SCLT1: variants seen among roughly 807,000 people sequenced by gnomAD.
SCLT1 encodes sodium channel and clathrin linker 1, also known as sodium channel-associated protein 1.
Under a neutral mutation model 112.8 loss-of-function variants are expected in SCLT1, and 78 were observed. That is an observed-to-expected ratio of 0.69 (90% CI 0.58 to 0.83). The LOEUF (loss-of-function observed/expected upper bound fraction) is 0.83, where lower values mean the gene tolerates loss of function less well. Among genes scored for constraint, SCLT1 ranks in the 40% least tolerant of loss-of-function variants. SCLT1 has a pLI of 0.00. For missense variants in SCLT1, 747 were observed against 770.4 expected (o/e 0.97, Z 0.36); for synonymous variants, 257 against 254.7 (o/e 1.01, Z -0.09).
intron 2 of SCLT1, among the ~76,000 whole-genome samples, chr4:129,075,094 A>G (rs1404806327): frequency 6.6e-6 from 1 of 152,144 alleles, no homozygotes; most frequent in Non-Finnish European, 1.5e-5. Context: ...GTGGTTATGT[A>G]AGCAAATTCT....
chr4:128,896,598 A>G (rs1331497552), intron 18 of SCLT1, among the ~76,000 whole-genome samples: 1 of 152,168 alleles, frequency 6.6e-6, no homozygotes, highest in African/African-American at 2.4e-5. Context: ...AAAACTGGAA[A>G]CTCTAAAAAT....
intron 18 of SCLT1, among the ~76,000 whole-genome samples, chr4:128,918,166 A>G (rs1319875278): frequency 6.6e-6 from 1 of 152,172 alleles, no homozygotes; most frequent in East Asian, 1.9e-4. Flanking sequence ...AAAAATTTTC[A>G]ATGGCAATTA....
chr4:128,874,231 A>T (rs571280064), intron 5 of SCLT1: 1 of 152,646 alleles, frequency 6.6e-6, no homozygotes, highest in Non-Finnish European at 1.5e-5. Context: ...CTTTATCTAC[A>T]GTTATCTTTT....
intron 5 of SCLT1, among the ~76,000 whole-genome samples, chr4:129,029,592 G>A (rs1326013249): frequency 3.3e-5 from 5 of 151,700 alleles, no homozygotes; most frequent in African/African-American, 1.2e-4. Context: ...ACGAGTTAAT[G>A]GGTGCAGCAC....
At chr4:129,034,431 A>T (rs1297056244) in intron 5 of SCLT1, among the ~76,000 whole-genome samples, 1 of 151,746 alleles carries the variant, frequency 6.6e-6, no homozygotes, top group African/African-American at 2.4e-5. Flanking sequence ...ATCTAAAAAA[A>T]TAAATATCAG....
chr4:128,880,949 A>T (rs1732627724), downstream of SCLT1, among the ~76,000 whole-genome samples: 1 of 152,158 alleles, frequency 6.6e-6, no homozygotes, highest in Non-Finnish European at 1.5e-5. Context: ...GGGGGCACCT[A>T]TGAGAACGTG....
intron 13 of SCLT1, among the ~76,000 whole-genome samples, chr4:128,955,300 T>A (rs1346686366): frequency 2.0e-5 from 3 of 152,218 alleles, no homozygotes; most frequent in African/African-American, 7.2e-5. Flanking sequence ...TTTTCCTCTA[T>A]AATTTTATGA....
rs141632246 is a variant in SCLT1, at chr4:129,056,940, C to T, written c.103-12889G>A. Reference sequence around the variant, plus strand: ...AGGAAGAAAAAACTTTCAACTTTTACGCTGTCAGAATAATGCTGGCTGTGG... The same window carrying T: ...AGGAAGAAAAAACTTTCAACTTTTATGCTGTCAGAATAATGCTGGCTGTGG... On this transcript the variant is annotated intron_variant, in intron 2 of 20. Coordinates refer to ENST00000281142, the MANE Select transcript of SCLT1 (RefSeq NM_144643.4). 3.4e-3 allele frequency among the ~76,000 whole-genome samples: 517 copies of T among 152,322 alleles called. 1 individual carries two copies. Among genetic ancestry groups the T allele is most frequent in the Middle Eastern group, 6.8e-3 (2 of 294 alleles).
intron 20 of SCLT1, among the ~76,000 whole-genome samples, chr4:128,887,625 T>C (rs1732984265): frequency 6.6e-6 from 1 of 152,212 alleles, no homozygotes; most frequent in African/African-American, 2.4e-5. Context: ...TAGTCTATAA[T>C]CACTGAACTG....
intron 2 of SCLT1, among the ~76,000 whole-genome samples, chr4:129,053,554 CTGATTTTTTTTT>C: frequency 1.4e-5 from 1 of 69,858 alleles, no homozygotes; most frequent in Non-Finnish European, 2.8e-5. Flanking sequence ...ATTGCAATCC[CTGATTTTTTTTT>C]TTTTTTTTTT....
chr4:128,985,428 C>A (rs1355160858), intron 9 of SCLT1, among the ~76,000 whole-genome samples: 2 of 152,082 alleles, frequency 1.3e-5, no homozygotes, highest in African/African-American at 4.8e-5. Context: ...ACATTGATTG[C>A]TGAGTGTGAA....
At chr4:128,966,023 G>A (rs1380563864) in intron 10 of SCLT1, among the ~76,000 whole-genome samples, 1 of 151,236 alleles carries the variant, frequency 6.6e-6, no homozygotes, top group African/African-American at 2.4e-5. Context: ...GTAGAGACAG[G>A]GTTTCACCAC....
rs562491097 is a variant in SCLT1 at position 128,937,205 on chromosome 4, G to A, written c.1633-354C>T. On this transcript the variant is annotated intron_variant, in intron 17 of 20. Transcript: ENST00000281142. ...AGGCAGGTGAATCGCTTGAACCCAG[G>A]AGGTGGGGGTTGCAGTGAGCTGAGA... Among the ~76,000 whole-genome samples the A allele has an allele frequency of 5.1e-4, 78 of 151,952 alleles. No homozygotes were observed. In the South Asian group the frequency reaches 0.016, roughly 30 times the overall value.
At chr4:129,029,291 T>C (rs1052995674) in intron 5 of SCLT1, among the ~76,000 whole-genome samples, 15 of 151,910 alleles carry the variant, frequency 9.9e-5, no homozygotes, top group South Asian at 2.1e-4. Flanking sequence ...TGTCCAACAA[T>C]GATAGACTGG....
intron 11 of SCLT1, among the ~76,000 whole-genome samples, chr4:128,960,331 G>C (rs1052875055): frequency 1.3e-5 from 2 of 152,000 alleles, no homozygotes; most frequent in Non-Finnish European, 2.9e-5. Context: ...TACAGGTAAT[G>C]ACAGGAGCTT....
At chr4:129,025,186 G>A (rs1745926160) in intron 5 of SCLT1, among the ~76,000 whole-genome samples, 1 of 152,092 alleles carries the variant, frequency 6.6e-6, no homozygotes, top group African/African-American at 2.4e-5. Flanking sequence ...TCACATTCAG[G>A]AAATACAGAG....
chr4:128,873,693 GA>G (rs1252645637), intron 5 of SCLT1: 1 of 152,246 alleles, frequency 6.6e-6, no homozygotes, highest in Admixed American at 6.5e-5. Flanking sequence ...TGGGCCTTTG[GA>G]ACAAGCCCGA....
intron 7 of SCLT1, among the ~76,000 whole-genome samples, chr4:128,998,181 T>C (rs1045874460): frequency 6.6e-6 from 1 of 151,860 alleles, no homozygotes; most frequent in Non-Finnish European, 1.5e-5. Context: ...AAATAATTAT[T>C]TCTAGAAATC....
chr4:129,085,218 C>T (rs1386080635), intron 1 of SCLT1, among the ~76,000 whole-genome samples: 4 of 152,000 alleles, frequency 2.6e-5, no homozygotes, highest in African/African-American at 9.7e-5. Context: ...TGAACAGACA[C>T]CTTTTAAAAG....
Sources: allele counts gnomAD v4.1 joint callset (sites outside exome capture counted in the v4.1 genomes callset), GRCh38; gene constraint gnomAD v4.1.1; transcripts MANE v1.5; gene names NCBI Gene and HGNC (gene_info 2026-07-23, HGNC 2026-07-21).